The following FRMD4A variants were observed in gnomAD, a reference collection of about 807,000 sequenced individuals.
The protein encoded by FRMD4A is FERM domain containing 4A.
A neutral mutation model predicts 129.1 loss-of-function variants in FRMD4A; 29 were observed. The observed-to-expected ratio is 0.22, with a 90% CI of 0.17 to 0.31. The LOEUF is 0.31. Ranked by LOEUF, FRMD4A falls within the 10% of genes least tolerant of loss-of-function variation. The pLI, the probability that FRMD4A is intolerant of heterozygous loss-of-function variation, is 1.00. For missense variants in FRMD4A, 1,272 were observed against 1,375.8 expected, an observed-to-expected ratio of 0.92 and a Z score of 1.19; for synonymous variants, 634 against 571.6, an observed-to-expected ratio of 1.11 and a Z score of -1.56.
intron 3 of FRMD4A, among the ~76,000 whole-genome samples, chr10:13,843,779 G>A (rs183233057): frequency 3.5e-4 from 53 of 152,276 alleles, no homozygotes; most frequent in Admixed American, 3.1e-3. Context: ...AATTACAGGC[G>A]TGAGCCACTG....
chr10:13,863,593 A>C (rs1178529788), intron 2 of FRMD4A, among the ~76,000 whole-genome samples: 1 of 152,130 alleles, frequency 6.6e-6, no homozygotes, highest in Non-Finnish European at 1.5e-5. Flanking sequence ...CTGTCTCAAA[A>C]AATAAAAATA....
At chr10:13,772,294 G>C (rs1240121097) in intron 6 of FRMD4A, among the ~76,000 whole-genome samples, 1 of 150,910 alleles carries the variant, frequency 6.6e-6, no homozygotes, top group Non-Finnish European at 1.5e-5. Context: ...TGAAATATTA[G>C]ATTCCTGATG....
intron 16 of FRMD4A, among the ~76,000 whole-genome samples, chr10:13,671,865 T>C (rs1017080390): frequency 6.6e-6 from 1 of 152,358 alleles, no homozygotes; most frequent in African/African-American, 2.4e-5. Context: ...CTAGCCCAAA[T>C]CAACGCAGAT....
chr10:14,033,185 T>C (rs1833331432), intron 2 of FRMD4A, among the ~76,000 whole-genome samples: 1 of 151,856 alleles, frequency 6.6e-6, no homozygotes, highest in African/African-American at 2.4e-5. Flanking sequence ...CACATGCTTG[T>C]AATCCCAGCT....
intron 3 of FRMD4A, among the ~76,000 whole-genome samples, chr10:13,847,502 C>T (rs984836086): frequency 1.3e-5 from 2 of 152,016 alleles, no homozygotes; most frequent in African/African-American, 2.4e-5. Flanking sequence ...CTCGCTCGCT[C>T]CCTCCCTCCT....
chr10:14,132,870 G>A (rs1564325662), intron 2 of FRMD4A, among the ~76,000 whole-genome samples: 1 of 152,162 alleles, frequency 6.6e-6, no homozygotes, highest in East Asian at 1.9e-4. Flanking sequence ...ATGCCCCAGG[G>A]TGATCTACTC....
chr10:13,917,023 A>C (rs1256809724), intron 2 of FRMD4A, among the ~76,000 whole-genome samples: 1 of 152,218 alleles, frequency 6.6e-6, no homozygotes, highest in Non-Finnish European at 1.5e-5. Flanking sequence ...TGCTCACCGA[A>C]GTTTTGGCTC....
intron 4 of FRMD4A, among the ~76,000 whole-genome samples, chr10:13,799,430 T>A (rs1391486788): frequency 2.0e-5 from 3 of 152,216 alleles, no homozygotes; most frequent in Non-Finnish European, 4.4e-5. Context: ...AGTCCTGGGA[T>A]GACAGAGGTG....
intron 2 of FRMD4A, among the ~76,000 whole-genome samples, chr10:14,058,643 T>A (rs1834658355): frequency 6.6e-6 from 1 of 152,196 alleles, no homozygotes; most frequent in South Asian, 2.1e-4. Context: ...CAAGGTCCTT[T>A]CTCTGCTTCT....
chr10:14,102,388 G>A (rs1320631194), intron 2 of FRMD4A, among the ~76,000 whole-genome samples: 3 of 152,204 alleles, frequency 2.0e-5, no homozygotes, highest in Admixed American at 6.5e-5. Flanking sequence ...CTAGCCGGGT[G>A]TGGTGGCGCA....
rs537978055 is a variant in FRMD4A at position 13,971,981 on chromosome 10, T to C, written c.46-113069A>G. ...TACCTACCCTCACCACCACCCTCAC[T>C]AATCCTCAGAGACTGCTTTCCTTCA... On this transcript the variant is annotated intron_variant, in intron 2 of 24. Transcript: ENST00000357447. 2.1e-5 allele frequency: 25 copies of C among 1,188,098 alleles called. No individual in the cohort carries two copies. In the East Asian group the frequency reaches 1.5e-3, roughly 69 times the overall value. The allele number at this position is 1,188,098 out of a possible 1,614,324, so 73.6% of individuals were successfully genotyped here.
Position 13,818,553 on chromosome 10 carries a change from C to G in FRMD4A, c.112-7645G>C, listed in dbSNP as rs113545981. 3.3e-5 allele frequency among the ~76,000 whole-genome samples: 5 copies of G among 152,122 alleles called. No homozygotes were observed. In the South Asian group the frequency reaches 1.0e-3, roughly 32 times the overall value. ...TTCCTAAGAGTGTTATTCACCCATT[C>G]GAAAAAACTTGAACACCATCTGCAT... On this transcript the variant is annotated intron_variant, in intron 3 of 24. Coordinates refer to ENST00000357447, the MANE Select transcript of FRMD4A (RefSeq NM_018027.5).
intron 5 of FRMD4A, among the ~76,000 whole-genome samples, chr10:13,794,704 G>A (rs1385259946): frequency 2.6e-5 from 4 of 152,138 alleles, no homozygotes; most frequent in Non-Finnish European, 2.9e-5. Flanking sequence ...CCCTAAATGC[G>A]GATTTGGAAA....
chr10:14,166,722 C>T (rs960944783), intron 2 of FRMD4A, among the ~76,000 whole-genome samples: 1 of 152,194 alleles, frequency 6.6e-6, no homozygotes, highest in Non-Finnish European at 1.5e-5. Context: ...AACGAAATGG[C>T]CTGCCCATTA....
At chr10:13,862,710 T>G (rs2094310914) in intron 2 of FRMD4A, among the ~76,000 whole-genome samples, 1 of 152,244 alleles carries the variant, frequency 6.6e-6, no homozygotes, top group Non-Finnish European at 1.5e-5. Flanking sequence ...TTGACAGCAC[T>G]GCTGTGGTTT....
chr10:13,746,597 A>G (rs890984167), intron 9 of FRMD4A, among the ~76,000 whole-genome samples: 55 of 152,220 alleles, frequency 3.6e-4, no homozygotes, highest in African/African-American at 1.3e-3. Context: ...TCCAGACAAG[A>G]CAAAATGCTC....
rs934131960 is a variant in FRMD4A at position 14,292,225 on chromosome 10, C to T, written c.45+37833G>A. On this transcript the variant is annotated intron_variant, in intron 2 of 24. Transcript: ENST00000357447. Reference sequence around the variant, plus strand: ...GGAAACATAACTTGGAAGGAGGATTCGTCTTGCAGATCTCATGCATTTTAT... The same window carrying T: ...GGAAACATAACTTGGAAGGAGGATTTGTCTTGCAGATCTCATGCATTTTAT... Among the ~76,000 whole-genome samples the T allele has an allele frequency of 4.6e-5, 7 of 152,262 alleles. No homozygotes were observed. The South Asian group carries it at 1.0e-3, about 23-fold the overall frequency.
At chr10:13,911,983 G>A (rs1213220048) in intron 2 of FRMD4A, among the ~76,000 whole-genome samples, 2 of 152,178 alleles carry the variant, frequency 1.3e-5, no homozygotes, top group African/African-American at 2.4e-5. Flanking sequence ...CCCAAACAGA[G>A]AAGAGAAAGT....
chr10:14,214,408 G>T (rs990431447), intron 2 of FRMD4A, among the ~76,000 whole-genome samples: 1 of 152,188 alleles, frequency 6.6e-6, no homozygotes. Context: ...CAAGCTGAAC[G>T]ACCTTAGACA....
Sources: allele counts gnomAD v4.1 joint callset (sites outside exome capture counted in the v4.1 genomes callset), GRCh38; gene constraint gnomAD v4.1.1; transcripts MANE v1.5; gene names NCBI Gene and HGNC (gene_info 2026-07-23, HGNC 2026-07-21).